Variants in ANKRD17 observed in about 807,000 individuals in gnomAD.
The protein encoded by ANKRD17 is ankyrin repeat domain-containing protein 17.
In ANKRD17, 19 loss-of-function variants were observed where a neutral mutation model predicts 229.7. That is an observed-to-expected ratio of 0.08 (90% CI 0.06 to 0.12). The LOEUF (loss-of-function observed/expected upper bound fraction) is 0.12, where lower values mean the gene tolerates loss of function less well. Among genes scored for constraint, ANKRD17 ranks in the 10% least tolerant of loss-of-function variants. The pLI is 1.00. For missense variants in ANKRD17, 2,176 were observed against 3,176.8 expected, an observed-to-expected ratio of 0.68 and a Z score of 7.57; for synonymous variants, 1,112 against 1,146.1, an observed-to-expected ratio of 0.97 and a Z score of 0.60.
intron 1 of ANKRD17, among the ~76,000 whole-genome samples, chr4:73,203,953 G>C (rs187385451): frequency 6.6e-6 from 1 of 152,092 alleles, no homozygotes; most frequent in African/African-American, 2.4e-5. Flanking sequence ...ACAGCCATGG[G>C]GGGGAAAAAA....
At chr4:73,175,956 G>A (rs1258640909) in intron 2 of ANKRD17, among the ~76,000 whole-genome samples, 3 of 151,008 alleles carry the variant, frequency 2.0e-5, no homozygotes, top group Admixed American at 2.0e-4. Flanking sequence ...AGGACAAATG[G>A]GATCACATCA....
Position 73,082,175 on chromosome 4 carries a change from A to G in ANKRD17, c.7159+3074T>C, listed in dbSNP as rs868167607. Among the ~76,000 whole-genome samples the G allele has an allele frequency of 7.2e-3, 823 of 113,538 alleles. 5 individuals carry two copies. Among genetic ancestry groups the G allele is most frequent in the South Asian group, 0.025 (89 of 3,630 alleles). The allele number at this position is 113,538 out of a possible 152,430, so 74.5% of individuals were successfully genotyped here. A position where few individuals can be genotyped will look rare whatever the true frequency, so the allele number is the denominator to read the frequency against. Reference sequence around the variant, plus strand: ...TTTATTTAAAAAAAAAAAAAAAAAAAGGGGGGCCAAGCGTGGTGGCTCACA... The same window carrying G: ...TTTATTTAAAAAAAAAAAAAAAAAAGGGGGGGCCAAGCGTGGTGGCTCACA... On this transcript the variant is annotated intron_variant, in intron 30 of 33. Transcript: ENST00000358602.
At chr4:73,205,684 T>C (rs1043099958) in intron 1 of ANKRD17, among the ~76,000 whole-genome samples, 1 of 152,198 alleles carries the variant, frequency 6.6e-6, no homozygotes, top group East Asian at 1.9e-4. Flanking sequence ...GGTTGGGCAA[T>C]GAATTTTTGG....
Position 73,258,309 on chromosome 4 carries a change from CTCT to C in ANKRD17, c.357_359del (p.Glu120del), listed in dbSNP as rs771807488. ...CCTCCTCTTCCTCGTCGTCGTCGTCCTCTTCTTCCTCGCTGTTGTTACTGCTGG... is the reference window on the plus strand; with the variant it reads ...CCTCCTCTTCCTCGTCGTCGTCGTCCTCTTCCTCGCTGTTGTTACTGCTGG... On this transcript the variant is annotated inframe_deletion, in exon 1 of 34. Transcript: ENST00000358602. The C allele has an allele frequency of 4.3e-6, 7 of 1,613,798 alleles. No individual in the cohort carries two copies. The South Asian group carries it at 6.6e-5, about 15-fold the overall frequency.
chr4:73,122,724 T>C (rs1726912600), intron 18 of ANKRD17, among the ~76,000 whole-genome samples: 1 of 152,134 alleles, frequency 6.6e-6, no homozygotes, highest in South Asian at 2.1e-4. Flanking sequence ...AGCAAAGCTA[T>C]GTCCAATTTT....
At chr4:73,145,832 C>A (rs1024871580) in intron 10 of ANKRD17, among the ~76,000 whole-genome samples, 3 of 152,098 alleles carry the variant, frequency 2.0e-5, no homozygotes, top group South Asian at 4.1e-4. Flanking sequence ...ATTCAACATT[C>A]TCTTCTCATA....
intron 1 of ANKRD17, among the ~76,000 whole-genome samples, chr4:73,250,589 C>CAAAAAAAAAAAAAAAAAAAAAAAA (rs35160047): frequency 3.1e-4 from 9 of 29,410 alleles, no homozygotes; most frequent in Admixed American, 5.3e-4. Flanking sequence ...GACCTTGTCT[C>CAAAAAAAAAAAAAAAAAAAAAAAA]AAAAAAAAAA....
chr4:73,192,507 A>G (rs1737263570), intron 1 of ANKRD17, among the ~76,000 whole-genome samples: 1 of 152,170 alleles, frequency 6.6e-6, no homozygotes, highest in African/African-American at 2.4e-5. Flanking sequence ...GAAATCAAAG[A>G]GAGAATTGTA....
intron 2 of ANKRD17, among the ~76,000 whole-genome samples, chr4:73,173,495 G>A (rs188274674): frequency 2.8e-4 from 43 of 152,306 alleles, no homozygotes; most frequent in African/African-American, 1.0e-3. Context: ...AGAATAGCAT[G>A]TGGAGACTCA....
intron 1 of ANKRD17, among the ~76,000 whole-genome samples, chr4:73,200,989 G>T (rs907992749): frequency 2.0e-4 from 10 of 50,050 alleles, no homozygotes; most frequent in Non-Finnish European, 4.2e-4. Context: ...AGTATGGGCG[G>T]GGGGGGGGGG....
At chr4:73,092,383 C>T (rs1282796193) in intron 28 of ANKRD17, 83 bp from the exon 29 acceptor site, 8 of 1,072,976 alleles carry the variant, frequency 7.5e-6, no homozygotes, top group Non-Finnish European at 4.0e-6. Context: ...TTTATGTACA[C>T]AAACACACAC....
At chr4:73,240,895 G>A (rs1313964324) in intron 1 of ANKRD17, among the ~76,000 whole-genome samples, 4 of 139,386 alleles carry the variant, frequency 2.9e-5, no homozygotes, top group African/African-American at 1.1e-4. Flanking sequence ...TGCAACCTCC[G>A]CCTCCCGGGT....
intron 1 of ANKRD17, among the ~76,000 whole-genome samples, chr4:73,181,819 G>A (rs188703534): frequency 0.013 from 2,045 of 151,854 alleles, 14 homozygotes; most frequent in Non-Finnish European, 0.021. Context: ...AGGCCGAGGC[G>A]GGTGCATTGC....
At position 73,075,286 on chromosome 4, in the gene ANKRD17, T is replaced by C. The variant is rs1638977221; in HGVS notation, c.*945A>G. The C allele has an allele frequency of 6.6e-6, 1 of 152,160 alleles. No individual in the cohort carries two copies. 9.4% of individuals were successfully genotyped at this position (152,160 alleles called of 1,614,324 possible). ...CAGAATATTAAGAGCTTGTATATGC[T>C]GACTGGGAACAGTGGTGGCTTTTTA... On this transcript the variant is annotated 3_prime_UTR_variant, in exon 34 of 34. Coordinates refer to ENST00000358602, the MANE Select transcript of ANKRD17 (RefSeq NM_032217.5).
intron 1 of ANKRD17, among the ~76,000 whole-genome samples, chr4:73,241,561 A>G (rs951139875): frequency 7.2e-5 from 11 of 152,182 alleles, no homozygotes; most frequent in African/African-American, 2.4e-4. Context: ...ACTAAACTAT[A>G]AAAAGATCAA....
At chr4:73,094,269 A>C in intron 27 of ANKRD17, 41 bp from the exon 28 acceptor site, 1 of 1,539,180 alleles carries the variant, frequency 6.5e-7, no homozygotes, top group Non-Finnish European at 8.9e-7. Flanking sequence ...TTAGTCATTA[A>C]CAATAGTTAT....
rs565465690 is a variant in ANKRD17, at chr4:73,126,530, T to G, written c.3235-1218A>C. On this transcript the variant is annotated intron_variant, in intron 16 of 33. Coordinates refer to ENST00000358602, the MANE Select transcript of ANKRD17 (RefSeq NM_032217.5). ...TTTGAGAACAAAGCCCCAAAATACT[T>G]AAAGGAACCAAATATCCAAAATATA... Among the ~76,000 whole-genome samples the G allele has an allele frequency of 6.6e-4, 100 of 152,176 alleles. 1 individual carries two copies. The Middle Eastern group carries it at 0.02, about 31-fold the overall frequency.
chr4:73,113,409 T>C (rs1725566230), intron 24 of ANKRD17: 3 of 1,286,856 alleles, frequency 2.3e-6, no homozygotes, highest in Admixed American at 4.6e-5. Context: ...GCCTTGGTAG[T>C]GCATTTGGTA....
chr4:73,123,528 T>C (rs1727032229), intron 18 of ANKRD17, among the ~76,000 whole-genome samples: 1 of 152,038 alleles, frequency 6.6e-6, no homozygotes, highest in Admixed American at 6.5e-5. Flanking sequence ...AACTATCCAT[T>C]CATATAATAT....
Sources: allele counts gnomAD v4.1 joint callset (sites outside exome capture counted in the v4.1 genomes callset), GRCh38; gene constraint gnomAD v4.1.1; transcripts MANE v1.5; gene names NCBI Gene and HGNC (gene_info 2026-07-23, HGNC 2026-07-21).